The following SMAD7 variants were observed in gnomAD, a reference collection of about 807,000 sequenced individuals.
SMAD7 encodes SMAD family member 7.
In SMAD7, 8 loss-of-function variants were observed where a neutral mutation model predicts 38.7. That is an observed-to-expected ratio of 0.21 (90% CI 0.12 to 0.37). The LOEUF is 0.37. SMAD7 is among the 10% of genes least tolerant of loss of function. The pLI is 1.00. For synonymous variants in SMAD7, 327 were observed against 265.1 expected, an observed-to-expected ratio of 1.23 and a Z score of -2.27; for missense variants, 477 against 577.9, an observed-to-expected ratio of 0.83 and a Z score of 1.79.
intron 3 of SMAD7, 33 bp downstream of exon 3, chr18:48,942,448 G>C: frequency 1.4e-6 from 2 of 1,447,180 alleles, no homozygotes; most frequent in Non-Finnish European, 1.9e-6. Context: ...AAAAAGGTTG[G>C]AATTGCCAGG....
chr18:48,923,738 A>AC (rs772730999), intron 3 of SMAD7, among the ~76,000 whole-genome samples: 1 of 151,350 alleles, frequency 6.6e-6, no homozygotes, highest in African/African-American at 2.4e-5. Context: ...GCCGGTCACC[A>AC]CCCCCCATGT....
In SMAD7 at chr18:48,950,190, C is replaced by A. The variant is rs1357208952; in HGVS notation, c.235G>T (p.Ala79Ser). Residue 79 changes from alanine (A) to serine (S), a missense_variant, in exon 1 of 4, where the codon GCC becomes TCC. Physicochemically the swap from Ala to Ser is moderately conservative, Grantham distance 99 (BLOSUM62 1). Around this residue, in one of 2 missense-constraint regions of SMAD7, gnomAD observed 376 missense variants for 379.4 expected, o/e 0.99. Transcript: ENST00000262158. ...CCCCCGGCCGCGCCGGCGCCCGCGG[C>A]TGGCGGGTGGGGATGGTGGTGACCT... ...AKGHHHPHPP[A>S]AGAGAAGGAE... The A allele has an allele frequency of 2.0e-6, 3 of 1,485,586 alleles. No homozygotes were observed. Among genetic ancestry groups the A allele is most frequent in the Non-Finnish European group, 2.7e-6 (3 of 1,124,334 alleles). The allele number at this position is 1,485,586 out of a possible 1,614,324, so 92.0% of individuals were successfully genotyped here.
Position 48,921,840 on chromosome 18 carries a change from C to G in SMAD7, c.813G>C (p.Thr271=). Residue 271 remains threonine (T), a synonymous_variant, in exon 4 of 4, where the codon ACG becomes ACC. Coordinates refer to ENST00000262158, the MANE Select transcript of SMAD7 (RefSeq NM_005904.4). This position sits in a 1 kb window ranked among gnomAD's most constrained non-coding sequence, Gnocchi z 6.4. Reference sequence around the variant, plus strand: ...GGACACAGTAGAGCCTCCCCACTCTCGTCTTCTCCTCCCAGTATGCCACCA... The same window carrying G: ...GGACACAGTAGAGCCTCCCCACTCTGGTCTTCTCCTCCCAGTATGCCACCA... ...WCVVAYWEEK[T]RVGRLYCVQE... The G allele has an allele frequency of 6.2e-7, 1 of 1,613,804 alleles. No individual in the cohort carries two copies. Among genetic ancestry groups the G allele is most frequent in the Non-Finnish European group, 8.5e-7 (1 of 1,179,960 alleles).
rs1377222566 is a variant in SMAD7 at position 48,949,918 on chromosome 18, C to T, written c.507G>A (p.Arg169=). 6.2e-7 allele frequency: 1 copy of T among 1,613,728 alleles called. No homozygotes were observed. The highest frequency in any genetic ancestry group is 1.3e-5 in the African/African-American group (1 of 75,056). ...LCKVFRWPDL[R]HSSEVKRLCC... ...ACAGCCTCTTGACTTCCGAGGAATG[C>T]CTGAGATCCGGCCACCTGAACACTT... is the stretch of plus-strand genomic sequence containing the variant. Residue 169 remains arginine, a synonymous_variant, in exon 1 of 4, where the codon AGG becomes AGA. Coordinates refer to ENST00000262158, the MANE Select transcript of SMAD7 (RefSeq NM_005904.4).
intron 3 of SMAD7, among the ~76,000 whole-genome samples, chr18:48,934,481 C>T: frequency 6.6e-6 from 1 of 151,242 alleles, no homozygotes. Flanking sequence ...CTTTTTTTTG[C>T]AAGTTAAAAC....
intron 3 of SMAD7, among the ~76,000 whole-genome samples, chr18:48,941,654 T>C (rs1276037452): frequency 6.6e-6 from 1 of 152,250 alleles, no homozygotes; most frequent in Non-Finnish European, 1.5e-5. Context: ...AGCCAGTTCT[T>C]AGAAAATCTA....
At chr18:48,922,443 C>T (rs2069873248) in intron 3 of SMAD7, among the ~76,000 whole-genome samples, 1 of 152,118 alleles carries the variant, frequency 6.6e-6, no homozygotes, top group African/African-American at 2.4e-5. Flanking sequence ...TCTGGGACCA[C>T]CTATGCGATG....
At position 48,921,439 on chromosome 18, in the gene SMAD7, T is replaced by C. The variant is rs748400062; in HGVS notation, c.1214A>G (p.Gln405Arg). Reference sequence around the variant, plus strand: ...GCTGATGAACTGGCGGGTGTAGCACTGGCCCCAGCCCTTCACAAAGCTGAT... The same window carrying C: ...GCTGATGAACTGGCGGGTGTAGCACCGGCCCCAGCCCTTCACAAAGCTGAT... The part of the protein sequence containing the change: ...VQISFVKGWG[Q>R]CYTRQFISSC... Residue 405 changes from glutamine to arginine, a missense_variant, in exon 4 of 4, where the codon CAG (glutamine) becomes CGG (arginine). By Grantham distance (43) the Gln-to-Arg change is conservative. This residue lies in a region of SMAD7 where 101 missense variants were observed against 198.5 expected (regional missense o/e 0.51). Coordinates refer to ENST00000262158, the MANE Select transcript of SMAD7 (RefSeq NM_005904.4). The surrounding 1 kb of genome is among the most constrained non-coding windows in gnomAD (Gnocchi z 6.4). The C allele has an allele frequency of 1.9e-6, 3 of 1,613,822 alleles. No homozygotes were observed. In the Admixed American group the frequency reaches 5.0e-5, roughly 27 times the overall value.
chr18:48,922,816 G>A (rs965908882), intron 3 of SMAD7, among the ~76,000 whole-genome samples: 6 of 151,924 alleles, frequency 3.9e-5, no homozygotes, highest in East Asian at 1.9e-4. Flanking sequence ...CCTGCAGGGC[G>A]CCCTGCTCCG....
intron 1 of SMAD7, among the ~76,000 whole-genome samples, chr18:48,948,943 G>A (rs1308441897): frequency 6.6e-6 from 1 of 152,264 alleles, no homozygotes; most frequent in Non-Finnish European, 1.5e-5. Flanking sequence ...GGGGATCTGC[G>A]GGCGCCCGGG....
chr18:48,931,305 T>G (rs2069997532), intron 3 of SMAD7, among the ~76,000 whole-genome samples: 1 of 152,206 alleles, frequency 6.6e-6, no homozygotes, highest in Non-Finnish European at 1.5e-5. Flanking sequence ...ATTGTTAATA[T>G]GGTATATTTT....
At chr18:48,936,117 C>CACACA (rs1211505658) in intron 3 of SMAD7, among the ~76,000 whole-genome samples, 925 of 14,222 alleles carry the variant, frequency 0.065, 27 homozygotes, top group Non-Finnish European at 0.086. Flanking sequence ...CACACACACA[C>CACACA]CACACACACA....
rs1555716118 is a variant in SMAD7, at chr18:48,929,569, T to TCACA, written c.743-7660_743-7659insTGTG. Among the ~76,000 whole-genome samples the TCACA allele has an allele frequency of 6.0e-3, 684 of 114,564 alleles. 7 individuals carry two copies. The highest frequency in any genetic ancestry group is 0.022 in the African/African-American group (643 of 28,902). The allele number at this position is 114,564 out of a possible 152,430, so 75.2% of individuals were successfully genotyped here. On this transcript the variant is annotated intron_variant, in intron 3 of 3. Coordinates refer to ENST00000262158, the MANE Select transcript of SMAD7 (RefSeq NM_005904.4). ...CTCTCTTTCTCTCTCTCTCTCTCTC[T>TCACA]CACTCACACACACACACACACACAC...
At chr18:48,947,897 C>CA (rs1447826427) in intron 2 of SMAD7, among the ~76,000 whole-genome samples, 1 of 149,194 alleles carries the variant, frequency 6.7e-6, no homozygotes, top group Non-Finnish European at 1.5e-5. Flanking sequence ...AACCTACCCC[C>CA]CCCCCCCTTT....
intron 3 of SMAD7, among the ~76,000 whole-genome samples, chr18:48,932,125 C>A (rs1297771336): frequency 6.6e-6 from 1 of 152,148 alleles, no homozygotes; most frequent in Non-Finnish European, 1.5e-5. Context: ...GGGGGTGGGG[C>A]AGGGCTGGCT....
At chr18:48,924,550 C>A (rs1394935776) in intron 3 of SMAD7, among the ~76,000 whole-genome samples, 2 of 152,152 alleles carry the variant, frequency 1.3e-5, no homozygotes, top group Non-Finnish European at 2.9e-5. Context: ...TGCCAGACAC[C>A]CCCTGGAAAA....
chr18:48,946,935 T>G (rs1321449446), intron 2 of SMAD7, among the ~76,000 whole-genome samples: 2 of 152,208 alleles, frequency 1.3e-5, no homozygotes, highest in Non-Finnish European at 2.9e-5. Flanking sequence ...CTAAGGTCAC[T>G]GTTCTCTCTC....
At chr18:48,940,470 G>A (rs774462510) in intron 3 of SMAD7, among the ~76,000 whole-genome samples, 1 of 149,782 alleles carries the variant, frequency 6.7e-6, no homozygotes, top group Non-Finnish European at 1.5e-5. Context: ...CCACCCATCG[G>A]CCAGGCGCAG....
At position 48,925,872 on chromosome 18, in the gene SMAD7, G is replaced by A. The variant is rs113871155; in HGVS notation, c.743-3962C>T. Among the ~76,000 whole-genome samples the A allele has an allele frequency of 6.6e-5, 10 of 151,784 alleles. No individual in the cohort carries two copies. The South Asian group carries it at 1.9e-3, about 28-fold the overall frequency. On this transcript the variant is annotated intron_variant, in intron 3 of 3. Coordinates refer to ENST00000262158, the MANE Select transcript of SMAD7 (RefSeq NM_005904.4). ...CGCCATTCTCCTGCCTCAGCCTCCC[G>A]AGTAGCTGGGACTACAGGCACCCGC...
Sources: allele counts gnomAD v4.1 joint callset (sites outside exome capture counted in the v4.1 genomes callset), GRCh38; gene constraint gnomAD v4.1.1; regional missense constraint gnomAD v4.1.1; non-coding constraint Gnocchi (gnomAD v3.1); transcripts MANE v1.5; gene names NCBI Gene and HGNC (gene_info 2026-07-23, HGNC 2026-07-21).